The following ZMYM2 variants were observed in gnomAD, a reference collection of about 807,000 sequenced individuals.
The protein encoded by ZMYM2 is zinc finger MYM-type protein 2.
ZMYM2 carries 56 observed loss-of-function variants against 162.8 expected under a neutral mutation model. The ratio of observed to expected loss-of-function variants is 0.34; its 90% CI spans 0.28 to 0.43. The LOEUF is 0.43. Ranked by LOEUF, ZMYM2 falls within the 20% of genes least tolerant of loss-of-function variation. The pLI, the probability that ZMYM2 is intolerant of heterozygous loss-of-function variation, is 1.00. For missense variants in ZMYM2, 1,275 were observed against 1,621.8 expected (o/e 0.79, Z 3.67); for synonymous variants, 510 against 541.6 (o/e 0.94, Z 0.81).
At chr13:20,068,775 T>C (rs893427883) in intron 21 of ZMYM2, among the ~76,000 whole-genome samples, 3 of 152,164 alleles carry the variant, frequency 2.0e-5, no homozygotes, top group African/African-American at 7.2e-5. Context: ...GATCAATTAT[T>C]TTTTAAAGTG....
chr13:19,874,775 T>C, the ZMYM2 span, among the ~76,000 whole-genome samples: 1 of 152,202 alleles, frequency 6.6e-6, no homozygotes, highest in Admixed American at 6.5e-5. Flanking sequence ...TTAAGCCTAC[T>C]ACAGCTAGTG....
intron 2 of ZMYM2, among the ~76,000 whole-genome samples, chr13:19,981,769 G>A (rs1957349977): frequency 6.6e-6 from 1 of 152,004 alleles, no homozygotes. Flanking sequence ...ACCAACTTGA[G>A]TTTTTCATCC....
At chr13:19,913,117 G>A in the ZMYM2 span, among the ~76,000 whole-genome samples, 1 of 152,202 alleles carries the variant, frequency 6.6e-6, no homozygotes, top group African/African-American at 2.4e-5. Context: ...GTCAGTGGAA[G>A]ACAGGGATGT....
chr13:20,032,823 G>C (rs1235531770), intron 10 of ZMYM2, among the ~76,000 whole-genome samples: 1 of 151,866 alleles, frequency 6.6e-6, no homozygotes, highest in African/African-American at 2.4e-5. Context: ...TGGCCAGGCT[G>C]GTCTTGATCT....
intron 2 of ZMYM2, among the ~76,000 whole-genome samples, chr13:19,966,455 TTC>T (rs1955793097): frequency 7.2e-6 from 1 of 138,004 alleles, no homozygotes; most frequent in Non-Finnish European, 1.7e-5. Flanking sequence ...ATGTCTATAA[TTC>T]TTTTTTTTTT....
chr13:20,039,898 C>T (rs958555925), intron 12 of ZMYM2, among the ~76,000 whole-genome samples: 4 of 152,114 alleles, frequency 2.6e-5, no homozygotes, highest in East Asian at 1.9e-4. Context: ...TATTGATTTG[C>T]GTATATTGAA....
At chr13:20,067,424 AT>A (rs746525760) in intron 21 of ZMYM2, 34 bp downstream of exon 21, 1 of 1,547,182 alleles carries the variant, frequency 6.5e-7, no homozygotes, top group Non-Finnish European at 8.8e-7. Flanking sequence ...CAAGTATAAC[AT>A]TAATAAGAAA....
the ZMYM2 span, among the ~76,000 whole-genome samples, chr13:19,868,451 C>T: frequency 1.3e-5 from 2 of 152,142 alleles, no homozygotes; most frequent in East Asian, 1.9e-4. Context: ...GATGTTCCAT[C>T]GTTGCCTACA....
chr13:19,966,005 CTGAACTCAGGT>C (rs1222840507), intron 2 of ZMYM2, among the ~76,000 whole-genome samples: 1 of 151,986 alleles, frequency 6.6e-6, no homozygotes, highest in Non-Finnish European at 1.5e-5. Context: ...TTTTGAACTC[CTGAACTCAGGT>C]GATCCACCTG....
At chr13:19,968,250 T>A (rs1452810094) in intron 2 of ZMYM2, among the ~76,000 whole-genome samples, 1 of 152,086 alleles carries the variant, frequency 6.6e-6, no homozygotes, top group Non-Finnish European at 1.5e-5. Flanking sequence ...CGCTAGACTT[T>A]CCTTTTTTTG....
At chr13:19,907,849 A>G in the ZMYM2 span, among the ~76,000 whole-genome samples, 1 of 150,610 alleles carries the variant, frequency 6.6e-6, no homozygotes, top group South Asian at 2.1e-4. Flanking sequence ...TCTATTTTTA[A>G]GACTTTATAC....
the ZMYM2 span, among the ~76,000 whole-genome samples, chr13:19,939,990 C>T: frequency 2.0e-5 from 3 of 152,018 alleles, no homozygotes; most frequent in Admixed American, 6.6e-5. Flanking sequence ...ATGTCGATAA[C>T]GTATTGTTAA....
chr13:19,887,206 T>G, the ZMYM2 span, among the ~76,000 whole-genome samples: 2 of 151,878 alleles, frequency 1.3e-5, no homozygotes, highest in African/African-American at 4.9e-5. Context: ...GATTCTTTAT[T>G]CATTAGAGGC....
chr13:20,083,415 T>G (rs1254743058), intron 23 of ZMYM2, among the ~76,000 whole-genome samples: 1 of 152,220 alleles, frequency 6.6e-6, no homozygotes, highest in Non-Finnish European at 1.5e-5. Flanking sequence ...CTTGCCTTAC[T>G]AAAGACCACC....
chr13:19,868,426 TTTCTGTTATAATGAGATGTTCCATCG>T, the ZMYM2 span, among the ~76,000 whole-genome samples: 1 of 152,240 alleles, frequency 6.6e-6, no homozygotes, highest in Non-Finnish European at 1.5e-5. Flanking sequence ...ATTTCCTTGC[TTTCTGTTATAATGAGATGTTCCATCG>T]TTGCCTACAT....
chr13:19,925,278 C>T, the ZMYM2 span, among the ~76,000 whole-genome samples: 165 of 152,228 alleles, frequency 1.1e-3, 2 homozygotes, highest in African/African-American at 3.7e-3. Context: ...AGTAAATTCC[C>T]TTTATTTGGT....
At chr13:20,085,409 T>C (rs1325055760) in intron 24 of ZMYM2, among the ~76,000 whole-genome samples, 3 of 152,224 alleles carry the variant, frequency 2.0e-5, no homozygotes, top group Non-Finnish European at 4.4e-5. Flanking sequence ...GTTTCTATTA[T>C]GTAGTGCTGT....
At chr13:20,078,038 C>T (rs529048106) in intron 21 of ZMYM2, among the ~76,000 whole-genome samples, 2 of 151,796 alleles carry the variant, frequency 1.3e-5, no homozygotes, top group South Asian at 2.1e-4. Flanking sequence ...AGGATGGTCT[C>T]GATCTCCTGA....
In ZMYM2 at chr13:20,003,126, T is replaced by C. The variant is rs370107310; in HGVS notation, c.1124T>C (p.Met375Thr). ...CCTGCTCCAAAGAAACTCTGTGTTA[T>C]GTGTAAAAAGTAAGGTTTACCTTTC... ...HKPAPKKLCV[M>T]CKKDITTMKG... Residue 375 changes from methionine to threonine, a missense_variant, in exon 4 of 25, where the codon ATG (methionine) becomes ACG (threonine). Physicochemically the swap from Met to Thr is moderately conservative, Grantham distance 81. Coordinates refer to ENST00000610343, the MANE Select transcript of ZMYM2 (RefSeq NM_197968.4). The C allele has an allele frequency of 1.4e-5, 22 of 1,613,646 alleles. No individual in the cohort carries two copies. The African/African-American group carries it at 2.1e-4, about 16-fold the overall frequency.
Sources: allele counts gnomAD v4.1 joint callset (sites outside exome capture counted in the v4.1 genomes callset), GRCh38; gene constraint gnomAD v4.1.1; transcripts MANE v1.5; gene names NCBI Gene and HGNC (gene_info 2026-07-23, HGNC 2026-07-21).